Variants in TNFSF11 observed in about 807,000 individuals in gnomAD.
TNFSF11 encodes TNF superfamily member 11.
Under a neutral mutation model 32.2 loss-of-function variants are expected in TNFSF11, and 12 were observed. The observed-to-expected ratio is 0.37, with a 90% CI of 0.24 to 0.60. TNFSF11 has a LOEUF of 0.60. Ranked by LOEUF, TNFSF11 falls within the 20% of genes least tolerant of loss-of-function variation. The pLI is 0.66. For synonymous variants in TNFSF11, 172 were observed against 152.1 expected (o/e 1.13, Z -0.96); for missense variants, 345 against 398.0 (o/e 0.87, Z 1.13).
chr13:42,582,000 G>A (rs1440599515), intron 2 of TNFSF11, among the ~76,000 whole-genome samples: 1 of 152,142 alleles, frequency 6.6e-6, no homozygotes, highest in African/African-American at 2.4e-5. Flanking sequence ...TTTACTCACT[G>A]ACTCCACCAA....
chr13:42,574,196 T>G lies in TNFSF11; in HGVS notation c.-108T>G. 6.9e-7 allele frequency: 1 copy of G among 1,450,094 alleles called. No individual in the cohort carries two copies. The highest frequency in any genetic ancestry group is 9.4e-7 in the Non-Finnish European group (1 of 1,064,568). The allele number at this position is 1,450,094 out of a possible 1,614,324, so 89.8% of individuals were successfully genotyped here. On this transcript the variant is annotated 5_prime_UTR_variant, in exon 1 of 5. Coordinates refer to ENST00000398795, the MANE Select transcript of TNFSF11 (RefSeq NM_003701.4). Reference sequence around the variant, plus strand: ...CCAGGACCCAAAGCCGGGCTCCAAGTCGGCGCCCCACGTCGAGGCTCCGCC... The same window carrying G: ...CCAGGACCCAAAGCCGGGCTCCAAGGCGGCGCCCCACGTCGAGGCTCCGCC...
upstream of TNFSF11, among the ~76,000 whole-genome samples, chr13:42,569,365 G>T (rs992210943): frequency 2.0e-5 from 3 of 151,938 alleles, no homozygotes; most frequent in Non-Finnish European, 4.4e-5. Context: ...TGGCTAACAC[G>T]GTGAAACCCC....
chr13:42,581,576 G>C (rs1230033175), intron 2 of TNFSF11, among the ~76,000 whole-genome samples: 1 of 152,184 alleles, frequency 6.6e-6, no homozygotes, highest in Non-Finnish European at 1.5e-5. Context: ...TTAAGACTAA[G>C]GTGGCTGTGG....
At chr13:42,574,553 C>A in intron 1 of TNFSF11, 31 bp downstream of exon 1, 1 of 1,595,870 alleles carries the variant, frequency 6.3e-7, no homozygotes. Flanking sequence ...GGGATCGCGG[C>A]TGAGAGCGCC....
intron 1 of TNFSF11, among the ~76,000 whole-genome samples, chr13:42,563,119 G>T (rs1018757776): frequency 2.0e-5 from 3 of 152,158 alleles, no homozygotes; most frequent in African/African-American, 4.8e-5. Flanking sequence ...CAAGCTCAGA[G>T]AGCACCAACC....
Position 42,574,349 on chromosome 13 carries a change from G to C in TNFSF11, c.46G>C (p.Glu16Gln). 1 of 1,543,668 alleles carries C rather than the reference G, an allele frequency of 6.5e-7. No individual in the cohort carries two copies. Among genetic ancestry groups the C allele is most frequent in the Non-Finnish European group, 8.7e-7 (1 of 1,145,354 alleles). ...CTACACCAAGTACCTGCGTGGCTCG[G>C]AGGAGATGGGCGGCGGCCCCGGAGC... The part of the protein sequence containing the change: ...RDYTKYLRGS[E>Q]EMGGGPGAPH... Residue 16 changes from glutamate to glutamine, a missense_variant, in exon 1 of 5, where the codon GAG (glutamate) becomes CAG (glutamine). Around this residue, in one of 2 missense-constraint regions of TNFSF11, gnomAD observed 197 missense variants for 182.0 expected, o/e 1.08. Coordinates refer to ENST00000398795, the MANE Select transcript of TNFSF11 (RefSeq NM_003701.4).
Position 42,600,713 on chromosome 13 carries a change from T to A in TNFSF11, c.388-39T>A, listed in dbSNP as rs200259365. 5 of 1,568,590 alleles carry A rather than the reference T, an allele frequency of 3.2e-6. No homozygotes were observed. In the South Asian group the frequency reaches 5.8e-5, roughly 18 times the overall value. On this transcript the variant is annotated intron_variant, in intron 2 of 4. Transcript: ENST00000398795. Reference sequence around the variant, plus strand: ...AATTCTTATTGCTTTACAGAAAGAATGATTTTATAAATAAAATTATTTTTC... The same window carrying A: ...AATTCTTATTGCTTTACAGAAAGAAAGATTTTATAAATAAAATTATTTTTC...
At chr13:42,568,126 A>C (rs575834162) in intron 2 of TNFSF11, among the ~76,000 whole-genome samples, 2 of 152,362 alleles carry the variant, frequency 1.3e-5, no homozygotes, top group East Asian at 3.9e-4. Flanking sequence ...GTGTACATTT[A>C]AATGTTAAAT....
chr13:42,597,073 T>A (rs1258291134), intron 2 of TNFSF11, among the ~76,000 whole-genome samples: 12 of 152,226 alleles, frequency 7.9e-5, no homozygotes, highest in Admixed American at 7.9e-4. Context: ...AGAATGTTAT[T>A]TTTATGATTG....
intron 2 of TNFSF11, among the ~76,000 whole-genome samples, chr13:42,594,091 T>C (rs1162819257): frequency 4.6e-5 from 7 of 151,950 alleles, no homozygotes; most frequent in Admixed American, 4.6e-4. Context: ...ATTAATTTAT[T>C]TTTTTTGAGA....
At chr13:42,602,560 T>G (rs1321700571) in intron 4 of TNFSF11, among the ~76,000 whole-genome samples, 1 of 152,238 alleles carries the variant, frequency 6.6e-6, no homozygotes, top group Non-Finnish European at 1.5e-5. Flanking sequence ...TGACCTCTCC[T>G]GTCCCAGACA....
chr13:42,585,640 C>T (rs1487601695), intron 2 of TNFSF11, among the ~76,000 whole-genome samples: 4 of 152,208 alleles, frequency 2.6e-5, no homozygotes, highest in Non-Finnish European at 2.9e-5. Flanking sequence ...TTTTGGCAGC[C>T]TCCCTGCTTC....
chr13:42,563,896 C>T (rs1017744570), intron 1 of TNFSF11, among the ~76,000 whole-genome samples: 43 of 152,104 alleles, frequency 2.8e-4, no homozygotes, highest in Admixed American at 2.6e-4. Context: ...AAAGTTCTCA[C>T]CATAATATAC....
upstream of TNFSF11, among the ~76,000 whole-genome samples, chr13:42,573,361 G>A (rs1873139790): frequency 1.3e-5 from 2 of 152,274 alleles, no homozygotes; most frequent in South Asian, 4.1e-4. Context: ...TTCTCACTAA[G>A]AGCCACAGTT....
intron 2 of TNFSF11, among the ~76,000 whole-genome samples, chr13:42,598,957 A>T (rs1868974620): frequency 6.6e-6 from 1 of 152,132 alleles, no homozygotes; most frequent in South Asian, 2.1e-4. Flanking sequence ...ATGAGTGGGG[A>T]AGAAAACGAG....
intron 1 of TNFSF11, among the ~76,000 whole-genome samples, chr13:42,576,564 G>C (rs1247323215): frequency 1.3e-5 from 2 of 152,046 alleles, no homozygotes; most frequent in Admixed American, 1.3e-4. Context: ...TGAAAATTCG[G>C]TTCCTTTGAC....
intron 2 of TNFSF11, among the ~76,000 whole-genome samples, chr13:42,595,267 G>C (rs1230095470): frequency 5.9e-5 from 9 of 152,190 alleles, no homozygotes; most frequent in Non-Finnish European, 1.5e-5. Context: ...TTTTTGTCTT[G>C]TTTTGAAGGG....
At chr13:42,591,527 A>G (rs995774798) in intron 2 of TNFSF11, among the ~76,000 whole-genome samples, 3 of 152,124 alleles carry the variant, frequency 2.0e-5, no homozygotes, top group Non-Finnish European at 2.9e-5. Flanking sequence ...ATGATCTTTT[A>G]TAACATGTAT....
intron 1 of TNFSF11, among the ~76,000 whole-genome samples, chr13:42,565,572 G>A (rs964183681): frequency 6.6e-6 from 1 of 152,186 alleles, no homozygotes; most frequent in Non-Finnish European, 1.5e-5. Context: ...CAAGGGAATA[G>A]AGGTTTGAAA....
Sources: gnomAD v4.1 joint callset for allele counts (sites outside exome capture counted in the v4.1 genomes callset) on GRCh38, gnomAD v4.1.1 for gene constraint, gnomAD v4.1.1 regional missense constraint, MANE v1.5 for transcripts, NCBI Gene and HGNC (gene_info 2026-07-23, HGNC 2026-07-21) for gene names.